KMT2D: variants seen among roughly 807,000 people sequenced by gnomAD.
The protein encoded by KMT2D is histone-lysine N-methyltransferase 2D.
Under a neutral mutation model 512.7 loss-of-function variants are expected in KMT2D, and 55 were observed. That is an observed-to-expected ratio of 0.11 (90% confidence interval 0.09 to 0.13). The LOEUF (loss-of-function observed/expected upper bound fraction) is 0.13, where lower values mean the gene tolerates loss of function less well. Ranked by LOEUF, KMT2D falls within the 10% of genes least tolerant of loss-of-function variation. The pLI, the probability that KMT2D is intolerant of heterozygous loss-of-function variation, is 1.00. For synonymous variants in KMT2D, 2,995 were observed against 2,904.0 expected (o/e 1.03, Z -1.01); for missense variants, 6,061 against 7,127.9 (o/e 0.85, Z 5.39).
Position 49,031,764 on chromosome 12 carries a change from G to A in KMT2D, c.12941C>T (p.Pro4314Leu). Residue 4314 changes from proline to leucine, a missense_variant, in exon 40 of 55, where the codon CCT becomes CTT. By Grantham distance (98) the Pro-to-Leu change is moderately conservative (BLOSUM62 -3). This residue lies in a region of KMT2D where 1,600 missense variants were observed against 1,754.9 expected (regional missense o/e 0.91). Coordinates refer to ENST00000301067, the MANE Select transcript of KMT2D (RefSeq NM_003482.4). The stretch of plus-strand genomic sequence containing the variant: ...TTGTGAAGGTCTCTTTGGCTCTTGA[G>A]GGCTGGATGGTGGAGGTGTGGGATG... ...PVHPTPPPSS[P>L]QEPKRPSQLP... 1 of 1,612,328 alleles carries A rather than the reference G, an allele frequency of 6.2e-7. No individual in the cohort carries two copies. The highest frequency in any genetic ancestry group is 8.5e-7 in the Non-Finnish European group (1 of 1,179,056).
In KMT2D at chr12:49,022,291, G is replaced by A. The variant is rs145482339; in HGVS notation, c.16401C>T (p.Gly5467=). 30 of 1,606,020 alleles carry A rather than the reference G, an allele frequency of 1.9e-5. No individual in the cohort carries two copies. The African/African-American group carries it at 2.8e-4, about 15-fold the overall frequency. The change falls in exon 53 of 55, where the codon GGC becomes GGT. Residue 5467 remains glycine, a synonymous_variant. Transcript: ENST00000301067. This position sits in a 1 kb window ranked among gnomAD's most constrained non-coding sequence, Gnocchi z 8.6. ...TCGTCATCTCTCACCTGGCAGGGCC[G>A]CCGGTCAACGTAGCATCAATCACAT... The part of the protein sequence containing the change: ...NEHVIDATLT[G]GPARYINHSC...
In KMT2D at chr12:49,039,364, A is replaced by T; in HGVS notation, c.8230-6T>A. On this transcript the variant is annotated splice_region_variant and splice_polypyrimidine_tract_variant and intron_variant, in intron 33 of 54. Transcript: ENST00000301067. The surrounding 1 kb of genome is among the most constrained non-coding windows in gnomAD (Gnocchi z 5.0). ...CCCACAAGGCTGCTCTTGTCCTAGA[A>T]GAGACAAGGTAGATGAAGGTGGAGC... 1 of 1,612,172 alleles carries T rather than the reference A, an allele frequency of 6.2e-7. No homozygotes were observed. The highest frequency in any genetic ancestry group is 1.1e-5 in the South Asian group (1 of 90,946).
intron 46 of KMT2D, 65 bp downstream of exon 46, chr12:49,028,763 G>GA: frequency 1.9e-6 from 3 of 1,591,652 alleles, no homozygotes; most frequent in Non-Finnish European, 2.6e-6. Flanking sequence ...TCCTTATCCA[G>GA]ACAAATTCCA....
Position 49,033,427 on chromosome 12 carries a change from C to G in KMT2D, c.11278G>C (p.Gly3760Arg). The G allele has an allele frequency of 6.3e-7, 1 of 1,581,650 alleles. No individual in the cohort carries two copies. Among genetic ancestry groups the G allele is most frequent in the Non-Finnish European group, 8.6e-7 (1 of 1,164,014 alleles). The change falls in exon 40 of 55, where the codon GGT becomes CGT. Residue 3760 changes from glycine (G) to arginine (R), a missense_variant. By Grantham distance (125) the Gly-to-Arg change is moderately radical. Transcript: ENST00000301067. ...GCTTGGTTTGTCTGTACTCCAGGAC[C>G]CTGCTGCTGTTGCTGCTGGATTGCC... The part of the protein sequence containing the change: ...QVAIQQQQQQ[G>R]PGVQTNQALG...
At position 49,021,153 on chromosome 12, in the gene KMT2D, T is replaced by G. The variant is rs1272151933; in HGVS notation, c.*627A>C. On this transcript the variant is annotated 3_prime_UTR_variant, in exon 55 of 55. Coordinates refer to ENST00000301067, the MANE Select transcript of KMT2D (RefSeq NM_003482.4). ...GCCCGGCTTGCCCAGCTTGCCCTCC[T>G]AGGCAGCTGGGCGCCTCTTTCCCGT... 5.0e-6 allele frequency: 1 copy of G among 198,486 alleles called. No individual in the cohort carries two copies. Among genetic ancestry groups the G allele is most frequent in the African/African-American group, 2.3e-5 (1 of 43,366 alleles). 12.3% of individuals were successfully genotyped at this position (198,486 alleles called of 1,614,324 possible). A position where few individuals can be genotyped will look rare whatever the true frequency, so the allele number is the denominator to read the frequency against.
chr12:49,041,664 C>T lies in KMT2D; in HGVS notation c.6225G>A (p.Lys2075=), dbSNP rs753926557. Residue 2075 remains lysine, a synonymous_variant, in exon 31 of 55, where the codon AAG becomes AAA. Coordinates refer to ENST00000301067, the MANE Select transcript of KMT2D (RefSeq NM_003482.4). The surrounding 1 kb of genome is among the most constrained non-coding windows in gnomAD (Gnocchi z 5.4). ...GCCCAGCCCCACTCACCTTCTGCAC[C>T]TTGTTGATGCGGTGAGCTGCCCGGT... ...KDNRAAHRIN[K]VQKQAESQIN... 2.5e-6 allele frequency: 4 copies of T among 1,613,204 alleles called. No homozygotes were observed. Among genetic ancestry groups the T allele is most frequent in the African/African-American group, 2.7e-5 (2 of 74,892 alleles).
At chr12:49,028,727 T>C (rs1942737504) in intron 46 of KMT2D, 101 bp downstream of exon 46, 1 of 1,467,434 alleles carries the variant, frequency 6.8e-7, no homozygotes. Context: ...AGGTACTCAG[T>C]ACATGTGCTT....
chr12:49,045,280 G>A lies in KMT2D; in HGVS notation c.4742-315C>T, dbSNP rs79330276. 0.045 allele frequency among the ~76,000 whole-genome samples: 6,904 copies of A among 152,260 alleles called. 506 individuals are homozygous for A. Among genetic ancestry groups the A allele is most frequent in the African/African-American group, 0.15 (6,406 of 41,526 alleles). The stretch of plus-strand genomic sequence containing the variant: ...CCTACTTGCTGAATGCCAGCACACA[G>A]TGTCCTAGATGCCAGCAGCAGTGCC... On this transcript the variant is annotated intron_variant, in intron 19 of 54. Coordinates refer to ENST00000301067, the MANE Select transcript of KMT2D (RefSeq NM_003482.4).
chr12:49,042,903 T>C lies in KMT2D; in HGVS notation c.5645-25A>G, dbSNP rs756349762. ...TCTGTGGGGGAATGAAGGACACTGT[T>C]GAGGAAGACTGGGAAGTTCAGGTGA... On this transcript the variant is annotated intron_variant, in intron 26 of 54. Coordinates refer to ENST00000301067, the MANE Select transcript of KMT2D (RefSeq NM_003482.4). This position sits in a 1 kb window ranked among gnomAD's most constrained non-coding sequence, Gnocchi z 4.4. 1.5e-5 allele frequency: 24 copies of C among 1,613,084 alleles called. No homozygotes were observed. The African/African-American group carries it at 2.5e-4, about 17-fold the overall frequency.
In KMT2D at chr12:49,019,774, T is replaced by G. The variant is rs1224859258; in HGVS notation, c.*2006A>C. On this transcript the variant is annotated 3_prime_UTR_variant, in exon 55 of 55. Transcript: ENST00000301067. ...GTTATTCTCTTAAACATTTGCAGCT[T>G]GAAACAGTTGAGGAAGCAGCTTTAA... 4.3e-6 allele frequency: 1 copy of G among 232,324 alleles called. No individual in the cohort carries two copies. Among genetic ancestry groups the G allele is most frequent in the Non-Finnish European group, 8.5e-6 (1 of 117,432 alleles). The allele number at this position is 232,324 out of a possible 1,614,324, so 14.4% of individuals were successfully genotyped here. A position where few individuals can be genotyped will look rare whatever the true frequency, so the allele number is the denominator to read the frequency against.
At chr12:49,031,137 A>C (rs2120416414) in intron 40 of KMT2D, 38 bp downstream of exon 40, 1 of 1,607,660 alleles carries the variant, frequency 6.2e-7, no homozygotes, top group Admixed American at 1.7e-5. Flanking sequence ...TGGCTCTAGG[A>C]CCCACTCTAC....
Position 49,040,146 on chromosome 12 carries a change from C to T in KMT2D, c.7624G>A (p.Val2542Ile), listed in dbSNP as rs993899550. 1 of 1,613,796 alleles carries T rather than the reference C, an allele frequency of 6.2e-7. No individual in the cohort carries two copies. The highest frequency in any genetic ancestry group is 1.3e-5 in the African/African-American group (1 of 74,942). Reference protein sequence around the residue: ...SPMRFTFPQAVGEPSLKPPVP... With the variant: ...SPMRFTFPQAIGEPSLKPPVP... ...GGGGGCTTTAGGGAAGGCTCCCCTA[C>T]TGCCTGAGGGAAAGTGAAACGCATG... Residue 2542 changes from valine (V) to isoleucine (I), a missense_variant, in exon 32 of 55, where the codon GTA becomes ATA. This residue lies in a region of KMT2D where 710 missense variants were observed against 647.3 expected (regional missense o/e 1.10). Coordinates refer to ENST00000301067, the MANE Select transcript of KMT2D (RefSeq NM_003482.4).
chr12:49,050,398 C>T lies in KMT2D; in HGVS notation c.3190G>A (p.Val1064Ile), dbSNP rs755939422. Residue 1064 changes from valine to isoleucine, a missense_variant, in exon 12 of 55, where the codon GTC becomes ATC. This residue lies in a region of KMT2D where 447 missense variants were observed against 500.1 expected (regional missense o/e 0.89). Transcript: ENST00000301067. ...TCGTGCAGCTCAGCCTCATCTGAGACCCCCACTACCTTCCCTATGGGACTC... is the reference window on the plus strand; with the variant it reads ...TCGTGCAGCTCAGCCTCATCTGAGATCCCCACTACCTTCCCTATGGGACTC... ...PLSPIGKVVGVSDEAELHEME... is the reference protein window; with the variant it reads ...PLSPIGKVVGISDEAELHEME... 6 of 1,613,496 alleles carry T rather than the reference C, an allele frequency of 3.7e-6. No individual in the cohort carries two copies. In the Admixed American group the frequency reaches 1.0e-4, roughly 27 times the overall value.
Position 49,040,525 on chromosome 12 carries a change from A to G in KMT2D, c.7245T>C (p.Pro2415=), listed in dbSNP as rs2120530194. ...GAGACTGGGAGCTGGACTGGGACTG[A>G]GGACTGGCAGGCACTCGGGAGAAAG... is the stretch of plus-strand genomic sequence containing the variant. ...SDPFSRVPAS[P]QSQSSSQSPL... is the part of the protein sequence containing the mutation. The change falls in exon 32 of 55, where the codon CCT becomes CCC. Residue 2415 remains proline (P), a synonymous_variant. Transcript: ENST00000301067. 1 of 1,601,984 alleles carries G rather than the reference A, an allele frequency of 6.2e-7. No homozygotes were observed. The highest frequency in any genetic ancestry group is 1.1e-5 in the South Asian group (1 of 89,910).
rs752390215 is a variant in KMT2D, at chr12:49,043,883, G to C, written c.5304C>G (p.Phe1768Leu). The change falls in exon 23 of 55, where the codon TTC (phenylalanine) becomes TTG (leucine). Residue 1768 changes from phenylalanine to leucine, a missense_variant. Phe to Leu is a conservative substitution (Grantham distance 22, BLOSUM62 0). Around this residue, in one of 16 missense-constraint regions of KMT2D, gnomAD observed 640 missense variants for 814.3 expected, o/e 0.79. Coordinates refer to ENST00000301067, the MANE Select transcript of KMT2D (RefSeq NM_003482.4). ...TGAGACCCACCTGCAAGTAAGCAGG[G>C]AACATGTCCTCCAGTTTGCTCTTCT... The part of the protein sequence containing the change: ...GRKKSKLEDM[F>L]PAYLQEAFFG... The C allele has an allele frequency of 1.2e-6, 2 of 1,613,958 alleles. No individual in the cohort carries two copies. Among genetic ancestry groups the C allele is most frequent in the African/African-American group, 2.7e-5 (2 of 74,946 alleles).
In KMT2D at chr12:49,053,042, C is replaced by T; in HGVS notation, c.985G>A (p.Gly329Ser). The T allele has an allele frequency of 6.2e-7, 1 of 1,614,022 alleles. No individual in the cohort carries two copies. Among genetic ancestry groups the T allele is most frequent in the Non-Finnish European group, 8.5e-7 (1 of 1,179,878 alleles). ...ACRVCRACGA[G>S]SAELNPNSEW... ...GAGTTGGGATTCAGTTCTGCTGAGC[C>T]CGCCCCACAGGCCCGGCACACCCGG... The change falls in exon 9 of 55, where the codon GGC (glycine) becomes AGC (serine). Residue 329 changes from glycine (G) to serine (S), a missense_variant. By Grantham distance (56) the Gly-to-Ser change is moderately conservative (BLOSUM62 0). Coordinates refer to ENST00000301067, the MANE Select transcript of KMT2D (RefSeq NM_003482.4).
In KMT2D at chr12:49,051,474, G is replaced by A. The variant is rs539274614; in HGVS notation, c.2209C>T (p.Arg737Trp). ...GGTGACAGGTGCGGCCCCTCGGACC[G>A]GGGGCAGAGTTGCGGCTCCTCAGGT... ...PLPEEPQLCP[R>W]SEGPHLSPRP... The change falls in exon 11 of 55, where the codon CGG becomes TGG. Residue 737 changes from arginine to tryptophan, a missense_variant. This residue lies in a region of KMT2D where 848 missense variants were observed against 838.5 expected (regional missense o/e 1.01). Coordinates refer to ENST00000301067, the MANE Select transcript of KMT2D (RefSeq NM_003482.4). The A allele has an allele frequency of 2.9e-5, 47 of 1,613,526 alleles. No individual in the cohort carries two copies. The highest frequency in any genetic ancestry group is 3.3e-5 in the Non-Finnish European group (39 of 1,179,678).
chr12:49,037,007 C>T (rs2120472345), intron 35 of KMT2D, 118 bp downstream of exon 35: 2 of 1,353,968 alleles, frequency 1.5e-6, no homozygotes, highest in East Asian at 2.5e-5. Context: ...GATATTTAGC[C>T]AAAGTTCTTT....
chr12:49,056,119 A>G (rs1317460152), intron 1 of KMT2D, among the ~76,000 whole-genome samples: 1 of 152,228 alleles, frequency 6.6e-6, no homozygotes, highest in African/African-American at 2.4e-5. Context: ...TAGTTAACAG[A>G]AGTGGACCTT....
Sources: gnomAD v4.1 joint callset for allele counts (sites outside exome capture counted in the v4.1 genomes callset) on GRCh38, gnomAD v4.1.1 for gene constraint, gnomAD v4.1.1 regional missense constraint, Gnocchi (gnomAD v3.1) non-coding constraint, MANE v1.5 for transcripts, NCBI Gene and HGNC (gene_info 2026-07-23, HGNC 2026-07-21) for gene names.